Variants in SRGAP1 observed in about 807,000 individuals in gnomAD.
SRGAP1 encodes SLIT-ROBO Rho GTPase activating protein 1.
A neutral mutation model predicts 121.9 loss-of-function variants in SRGAP1; 43 were observed. The observed-to-expected ratio is 0.35, with a 90% CI of 0.28 to 0.46. The LOEUF (loss-of-function observed/expected upper bound fraction) is 0.46. Among genes scored for constraint, SRGAP1 ranks in the 20% least tolerant of loss-of-function variants. The probability of loss-of-function intolerance (pLI) is 1.00; values close to 1 mark genes in which losing one functional copy is unlikely to be tolerated. For synonymous variants in SRGAP1, 447 were observed against 485.4 expected, an observed-to-expected ratio of 0.92 and a Z score of 1.04; for missense variants, 1,102 against 1,350.9, an observed-to-expected ratio of 0.82 and a Z score of 2.89.
At chr12:64,024,927 C>T (rs1233120314) in intron 4 of SRGAP1, among the ~76,000 whole-genome samples, 2 of 152,136 alleles carry the variant, frequency 1.3e-5, no homozygotes, top group Admixed American at 6.5e-5. Flanking sequence ...GCTCTTGACA[C>T]GTGGGGATTA....
chr12:63,901,400 A>C (rs968969674), intron 1 of SRGAP1, among the ~76,000 whole-genome samples: 1 of 152,194 alleles, frequency 6.6e-6, no homozygotes, highest in African/African-American at 2.4e-5. Flanking sequence ...ATTTTGGTAC[A>C]TGCTGAGCTC....
intron 6 of SRGAP1, among the ~76,000 whole-genome samples, chr12:64,062,003 TTTTTAG>T (rs2035458918): frequency 6.9e-6 from 1 of 144,052 alleles, no homozygotes; most frequent in Non-Finnish European, 1.5e-5. Flanking sequence ...TGTGTGCACA[TTTTTAG>T]GTGGAAATAT....
chr12:64,119,666 A>T (rs2136627601), intron 18 of SRGAP1, among the ~76,000 whole-genome samples: 1 of 151,366 alleles, frequency 6.6e-6, no homozygotes, highest in Middle Eastern at 3.4e-3. Context: ...TTTCTCTAGT[A>T]CTTCTTTAGC....
chr12:63,936,280 T>A (rs2031659164), intron 1 of SRGAP1, among the ~76,000 whole-genome samples: 1 of 152,040 alleles, frequency 6.6e-6, no homozygotes, highest in African/African-American at 2.4e-5. Flanking sequence ...ATAATAATGA[T>A]GAGATTTCAA....
At position 64,161,211 on chromosome 12, in the gene SRGAP1, T is replaced by G. The variant is rs928217920; in HGVS notation, c.*18539T>G. 6.6e-6 allele frequency: 1 copy of G among 152,198 alleles called. No individual in the cohort carries two copies. Among genetic ancestry groups the G allele is most frequent in the African/African-American group, 2.4e-5 (1 of 41,458 alleles). The allele number at this position is 152,198 out of a possible 1,614,324, so 9.4% of individuals were successfully genotyped here. On this transcript the variant is annotated 3_prime_UTR_variant, in exon 22 of 22. Coordinates refer to ENST00000355086, the MANE Select transcript of SRGAP1 (RefSeq NM_020762.4). Reference sequence around the variant, plus strand: ...ATCTTCCACAGAAATGCTTTCAAACTCAATGCATTAAAAACATGCTATAGT... The same window carrying G: ...ATCTTCCACAGAAATGCTTTCAAACGCAATGCATTAAAAACATGCTATAGT...
chr12:63,884,732 T>TC (rs1445249856), intron 1 of SRGAP1, among the ~76,000 whole-genome samples: 5 of 149,716 alleles, frequency 3.3e-5, no homozygotes, highest in Non-Finnish European at 5.9e-5. Flanking sequence ...TTTTTTTTTT[T>TC]TTTTTTTGAG....
rs1565652059 is a variant in SRGAP1 at position 64,039,627 on chromosome 12, A to ATGTGTGTGTGTGTG, written c.490-3163_490-3162insTGTGTGTGTGTGTG. ...TAGCAAGAATACAGACAGCTGAGCA[A>ATGTGTGTGTGTGTG]CGTGTGTGTGTGTGTGTGTGTGTGT... On this transcript the variant is annotated intron_variant, in intron 4 of 21. Coordinates refer to ENST00000355086, the MANE Select transcript of SRGAP1 (RefSeq NM_020762.4). Among the ~76,000 whole-genome samples, 139 of 38,376 alleles carry ATGTGTGTGTGTGTG rather than the reference A, an allele frequency of 3.6e-3. 1 individual carries two copies. Among genetic ancestry groups the ATGTGTGTGTGTGTG allele is most frequent in the Middle Eastern group, 0.017 (1 of 58 alleles). 25.2% of individuals were successfully genotyped at this position (38,376 alleles called of 152,430 possible).
In SRGAP1 at chr12:64,155,009, T is replaced by C. The variant is rs536878534; in HGVS notation, c.*12337T>C. ...GTTAACATAAATATGATAATAAAAA[T>C]AGTTAACATTTGTTAAATATATATA... is the stretch of plus-strand genomic sequence containing the variant. On this transcript the variant is annotated 3_prime_UTR_variant, in exon 22 of 22. Coordinates refer to ENST00000355086, the MANE Select transcript of SRGAP1 (RefSeq NM_020762.4). The C allele has an allele frequency of 2.5e-4, 38 of 152,140 alleles. No individual in the cohort carries two copies. The highest frequency in any genetic ancestry group is 9.2e-4 in the African/African-American group (38 of 41,468). The allele number at this position is 152,140 out of a possible 1,614,324, so 9.4% of individuals were successfully genotyped here. A position where few individuals can be genotyped will look rare whatever the true frequency, so the allele number is the denominator to read the frequency against.
At chr12:63,931,824 T>C (rs1013250318) in intron 1 of SRGAP1, among the ~76,000 whole-genome samples, 1 of 152,178 alleles carries the variant, frequency 6.6e-6, no homozygotes, top group Non-Finnish European at 1.5e-5. Flanking sequence ...ACATGGGGAT[T>C]ATTTTCTAGA....
intron 3 of SRGAP1, among the ~76,000 whole-genome samples, chr12:63,993,525 G>A (rs2033613265): frequency 6.6e-6 from 1 of 152,150 alleles, no homozygotes; most frequent in Non-Finnish European, 1.5e-5. Flanking sequence ...AGAAGATTTT[G>A]AGACTTCCGC....
intron 1 of SRGAP1, among the ~76,000 whole-genome samples, chr12:63,933,872 T>G (rs1302486825): frequency 6.6e-6 from 1 of 152,166 alleles, no homozygotes; most frequent in African/African-American, 2.4e-5. Flanking sequence ...ATGGAAGTTT[T>G]TAGTGTTGCA....
intron 15 of SRGAP1, among the ~76,000 whole-genome samples, chr12:64,107,961 C>T (rs934902072): frequency 3.3e-5 from 5 of 152,104 alleles, no homozygotes; most frequent in Admixed American, 6.6e-5. Flanking sequence ...ACTTATGAAA[C>T]AGGACACATA....
intron 1 of SRGAP1, among the ~76,000 whole-genome samples, chr12:63,863,682 G>T (rs1028003749): frequency 3.0e-4 from 46 of 152,150 alleles, no homozygotes; most frequent in African/African-American, 1.0e-3. Flanking sequence ...CCAGACTATT[G>T]TTCTAGAGCT....
At chr12:64,102,004 T>G (rs1302052340) in intron 15 of SRGAP1, among the ~76,000 whole-genome samples, 1 of 152,184 alleles carries the variant, frequency 6.6e-6, no homozygotes. Context: ...AATTCCATAA[T>G]TCCACTACCC....
At chr12:63,952,375 A>T (rs1178115994) in intron 1 of SRGAP1, among the ~76,000 whole-genome samples, 2 of 152,010 alleles carry the variant, frequency 1.3e-5, no homozygotes. Flanking sequence ...AATTAGCCAG[A>T]TATGGTGGTA....
chr12:63,892,346 A>C (rs1349520022), intron 1 of SRGAP1, among the ~76,000 whole-genome samples: 2 of 152,206 alleles, frequency 1.3e-5, no homozygotes, highest in Non-Finnish European at 2.9e-5. Context: ...AATATGTAAT[A>C]ATCATTGTTC....
At chr12:64,059,534 C>G (rs1332856199) in intron 6 of SRGAP1, among the ~76,000 whole-genome samples, 5 of 152,120 alleles carry the variant, frequency 3.3e-5, no homozygotes, top group Admixed American at 2.0e-4. Context: ...GTCTCATCTG[C>G]TGCATTATAA....
At chr12:63,918,745 A>G (rs557426263) in intron 1 of SRGAP1, among the ~76,000 whole-genome samples, 2 of 152,304 alleles carry the variant, frequency 1.3e-5, no homozygotes, top group East Asian at 3.9e-4. Flanking sequence ...TGCACTATCT[A>G]GGCCATTTGT....
chr12:63,996,665 T>C (rs2033718610), intron 3 of SRGAP1, among the ~76,000 whole-genome samples: 1 of 152,038 alleles, frequency 6.6e-6, no homozygotes, highest in Non-Finnish European at 1.5e-5. Flanking sequence ...CAGTAGTAAA[T>C]AATATAACAA....
Sources: gnomAD v4.1 joint callset for allele counts (sites outside exome capture counted in the v4.1 genomes callset) on GRCh38, gnomAD v4.1.1 for gene constraint, MANE v1.5 for transcripts, NCBI Gene and HGNC (gene_info 2026-07-23, HGNC 2026-07-21) for gene names.